Variants in PCDH15 observed in about 807,000 individuals in gnomAD.
PCDH15 encodes the protein protocadherin related 15, also known as protocadherin-15.
PCDH15 carries 129 observed loss-of-function variants against 178.5 expected under a neutral mutation model. That is an observed-to-expected ratio of 0.72 (90% CI 0.63 to 0.84). PCDH15 has a LOEUF of 0.84. PCDH15 is among the 40% of genes least tolerant of loss of function. PCDH15 has a pLI of 0.00. For synonymous variants in PCDH15, 800 were observed against 732.0 expected (o/e 1.09, Z -1.50); for missense variants, 2,230 against 2,099.9 (o/e 1.06, Z -1.21).
chr10:55,125,972 G>C (rs1371257337), intron 2 of PCDH15, among the ~76,000 whole-genome samples: 1 of 152,052 alleles, frequency 6.6e-6, no homozygotes, highest in African/African-American at 2.4e-5. Context: ...CATATGATTT[G>C]TGTGGGGTTC....
chr10:54,266,613 G>A (rs758058345), intron 8 of PCDH15, among the ~76,000 whole-genome samples: 16 of 151,680 alleles, frequency 1.1e-4, no homozygotes, highest in Non-Finnish European at 1.9e-4. Flanking sequence ...CAATAACAAA[G>A]GCAACATTAG....
At chr10:53,888,285 T>TATATATATATATAC (rs1369386967) in intron 26 of PCDH15, among the ~76,000 whole-genome samples, 3 of 54,876 alleles carry the variant, frequency 5.5e-5, no homozygotes, top group Non-Finnish European at 8.6e-5. Context: ...TCCAACACTA[T>TATATATATATATAC]ATATACATAT....
chr10:55,095,290 A>G (rs528762413), intron 2 of PCDH15, among the ~76,000 whole-genome samples: 6 of 152,054 alleles, frequency 3.9e-5, no homozygotes, highest in African/African-American at 1.4e-4. Context: ...ATGTCACCTT[A>G]ATAATTTATT....
At chr10:55,601,880 G>A (rs949687643) in intron 2 of PCDH15, among the ~76,000 whole-genome samples, 1 of 152,106 alleles carries the variant, frequency 6.6e-6, no homozygotes, top group Non-Finnish European at 1.5e-5. Flanking sequence ...CACACGGGGG[G>A]AGGAGCCAAG....
chr10:55,077,083 A>G (rs972576210), intron 2 of PCDH15, among the ~76,000 whole-genome samples: 5 of 149,706 alleles, frequency 3.3e-5, no homozygotes, highest in East Asian at 2.0e-4. Flanking sequence ...TTTATCTAAT[A>G]TAAGTATAGC....
chr10:55,262,641 C>T lies in PCDH15; in HGVS notation c.-156+56958G>A, dbSNP rs79646077. Among the ~76,000 whole-genome samples, 558 of 152,242 alleles carry T rather than the reference C, an allele frequency of 3.7e-3. 2 individuals carry two copies. Among genetic ancestry groups the T allele is most frequent in the African/African-American group, 0.012 (513 of 41,554 alleles). On this transcript the variant is annotated intron_variant, in intron 1 of 5. Coordinates refer to the PCDH15 transcript ENST00000458638. ...TTCTAAGGAGAGCCCGGCCACTGAG[C>T]AGCCCGACTCCAGGGAAAAACCACC...
chr10:55,117,622 T>A (rs56212585), intron 2 of PCDH15, among the ~76,000 whole-genome samples: 9 of 152,086 alleles, frequency 5.9e-5, no homozygotes, highest in Non-Finnish European at 2.9e-5. Context: ...CTATTTAGAC[T>A]CAATATTCAG....
At chr10:54,341,289 G>A (rs1467838841) in intron 6 of PCDH15, among the ~76,000 whole-genome samples, 1 of 152,008 alleles carries the variant, frequency 6.6e-6, no homozygotes, top group East Asian at 1.9e-4. Context: ...TGGTTTATGG[G>A]GGCAGTTTCC....
intron 5 of PCDH15, among the ~76,000 whole-genome samples, chr10:54,353,225 C>G: frequency 6.6e-6 from 1 of 152,032 alleles, no homozygotes; most frequent in Non-Finnish European, 1.5e-5. Context: ...AATCAAACAT[C>G]CGTTTGAAGT....
intron 1 of PCDH15, among the ~76,000 whole-genome samples, chr10:54,673,076 T>TA (rs1013703564): frequency 0.01 from 1,514 of 150,886 alleles, 26 homozygotes; most frequent in African/African-American, 0.035. Context: ...GCATGTCATT[T>TA]AAAAAAAAAA....
chr10:54,230,116 C>A (rs2053893948), intron 9 of PCDH15, among the ~76,000 whole-genome samples: 1 of 151,976 alleles, frequency 6.6e-6, no homozygotes, highest in Non-Finnish European at 1.5e-5. Context: ...GGCATACATG[C>A]AATTAAATGG....
Position 53,820,208 on chromosome 10 carries a change from C to T in PCDH15, c.4390G>A (p.Val1464Ile). 6 of 397,846 alleles carry T rather than the reference C, an allele frequency of 1.5e-5. No homozygotes were observed. Among genetic ancestry groups the T allele is most frequent in the Non-Finnish European group, 2.7e-5 (6 of 225,504 alleles). 24.6% of individuals were successfully genotyped at this position (397,846 alleles called of 1,614,324 possible). A position where few individuals can be genotyped will look rare whatever the true frequency, so the allele number is the denominator to read the frequency against. ...SSIWSFCWQL[V>I]ICMRTCAIWR... is the part of the protein sequence containing the mutation. ...ATAGCACAAGTTCTCATGCATATGACCAGCTGCCAACAAAAACTCCAACTG... is the reference window on the plus strand; with the variant it reads ...ATAGCACAAGTTCTCATGCATATGATCAGCTGCCAACAAAAACTCCAACTG... The change falls in exon 33 of 38, where the codon GTC becomes ATC. Residue 1464 changes from valine to isoleucine, a missense_variant. Transcript: ENST00000644397.
chr10:55,425,192 ATACT>A (rs1420349447), intron 2 of PCDH15, among the ~76,000 whole-genome samples: 1 of 151,880 alleles, frequency 6.6e-6, no homozygotes, highest in African/African-American at 2.4e-5. Flanking sequence ...CTATTTAATA[ATACT>A]TAATTATAAT....
At chr10:55,304,523 A>G (rs943153252) in intron 1 of PCDH15, among the ~76,000 whole-genome samples, 1 of 152,214 alleles carries the variant, frequency 6.6e-6, no homozygotes, top group Non-Finnish European at 1.5e-5. Context: ...AGTGGGTGAA[A>G]TAAGGAAAAG....
chr10:55,172,891 T>C (rs1839378077), intron 1 of PCDH15, among the ~76,000 whole-genome samples: 1 of 151,902 alleles, frequency 6.6e-6, no homozygotes, highest in Non-Finnish European at 1.5e-5. Context: ...GGCACCATCT[T>C]TGAGAGTTGC....
At chr10:54,057,004 G>A (rs1325702064) in intron 18 of PCDH15, among the ~76,000 whole-genome samples, 3 of 152,212 alleles carry the variant, frequency 2.0e-5, no homozygotes, top group Non-Finnish European at 4.4e-5. Flanking sequence ...GACTCCATGT[G>A]TCACATCCAG....
At chr10:54,497,013 A>G (rs543551323) in intron 3 of PCDH15, among the ~76,000 whole-genome samples, 2 of 152,154 alleles carry the variant, frequency 1.3e-5, no homozygotes, top group African/African-American at 4.8e-5. Context: ...ACTGGACCAT[A>G]GTGCTTTTGT....
intron 2 of PCDH15, among the ~76,000 whole-genome samples, chr10:54,659,435 C>G (rs2094456603): frequency 6.6e-6 from 1 of 152,068 alleles, no homozygotes; most frequent in South Asian, 2.1e-4. Flanking sequence ...GTTATCTTCT[C>G]AGATGACAGA....
chr10:53,835,613 A>G (rs1377190745), intron 29 of PCDH15, among the ~76,000 whole-genome samples: 2 of 152,088 alleles, frequency 1.3e-5, no homozygotes, highest in African/African-American at 4.8e-5. Context: ...TTTGGCAGAA[A>G]AGGTTAAAAG....
Sources: allele counts gnomAD v4.1 joint callset (sites outside exome capture counted in the v4.1 genomes callset), GRCh38; gene constraint gnomAD v4.1.1; transcripts MANE v1.5; gene names NCBI Gene and HGNC (gene_info 2026-07-23, HGNC 2026-07-21).